The following SMPD3 variants were observed in gnomAD, a reference collection of about 807,000 sequenced individuals.
SMPD3 encodes nSMase-2.
A neutral mutation model predicts 55.7 loss-of-function variants in SMPD3; 21 were observed. That is an observed-to-expected ratio of 0.38 (90% CI 0.27 to 0.54). SMPD3 has a LOEUF of 0.54. SMPD3 is among the 20% of genes least tolerant of loss of function. SMPD3 has a pLI of 0.80. For synonymous variants in SMPD3, 457 were observed against 404.3 expected (o/e 1.13, Z -1.56); for missense variants, 842 against 899.6 (o/e 0.94, Z 0.82).
intron 2 of SMPD3, among the ~76,000 whole-genome samples, chr16:68,380,210 C>T (rs1250198944): frequency 2.0e-5 from 3 of 152,278 alleles, no homozygotes; most frequent in African/African-American, 4.8e-5. Context: ...GTGTTCTGCT[C>T]ACAAACCAGC....
intron 1 of SMPD3, among the ~76,000 whole-genome samples, chr16:68,396,403 C>T (rs181745297): frequency 1.1e-3 from 170 of 152,284 alleles, no homozygotes; most frequent in East Asian, 8.3e-3. Flanking sequence ...GTGATGGCCC[C>T]GACCTCTAGC....
intron 1 of SMPD3, among the ~76,000 whole-genome samples, chr16:68,418,178 A>G (rs1021504008): frequency 9.2e-5 from 14 of 152,134 alleles, no homozygotes; most frequent in African/African-American, 3.4e-4. Context: ...TTCTCATGGG[A>G]GAAAGATGCC....
intron 1 of SMPD3, among the ~76,000 whole-genome samples, chr16:68,421,413 G>A (rs1273404482): frequency 6.6e-6 from 1 of 152,224 alleles, no homozygotes; most frequent in African/African-American, 2.4e-5. Flanking sequence ...GTGGTTATAT[G>A]TGTGCTTTGG....
chr16:68,386,763 A>T (rs910663243), intron 1 of SMPD3, 104 bp from the exon 2 acceptor site: 1 of 152,334 alleles, frequency 6.6e-6, no homozygotes. Context: ...ACAAAGACCA[A>T]GGGGCCTCAC....
At chr16:68,384,393 A>C (rs888552096) in intron 2 of SMPD3, among the ~76,000 whole-genome samples, 1 of 152,198 alleles carries the variant, frequency 6.6e-6, no homozygotes, top group Non-Finnish European at 1.5e-5. Flanking sequence ...TTCTCTCTTG[A>C]TAGCTGAGTG....
At chr16:68,430,669 A>G (rs1031915159) in intron 1 of SMPD3, among the ~76,000 whole-genome samples, 4 of 152,230 alleles carry the variant, frequency 2.6e-5, no homozygotes, top group African/African-American at 9.6e-5. Flanking sequence ...TCATTATAAA[A>G]GCCAAAAAAC....
chr16:68,398,652 T>C (rs1434234196), intron 1 of SMPD3, among the ~76,000 whole-genome samples: 1 of 152,262 alleles, frequency 6.6e-6, no homozygotes, highest in Non-Finnish European at 1.5e-5. Context: ...TGCTTTTGTT[T>C]CCTTTCCTCA....
At chr16:68,413,620 T>G (rs939144303) in intron 1 of SMPD3, among the ~76,000 whole-genome samples, 3 of 152,266 alleles carry the variant, frequency 2.0e-5, no homozygotes, top group Admixed American at 2.0e-4. Context: ...GACTCAGAAC[T>G]CCAGGCTAGT....
intron 1 of SMPD3, among the ~76,000 whole-genome samples, chr16:68,420,840 C>G (rs987059412): frequency 6.6e-6 from 1 of 152,180 alleles, no homozygotes; most frequent in African/African-American, 2.4e-5. Context: ...GATGGTGACT[C>G]AGGTAGGTGG....
chr16:68,379,207 T>C (rs1303488587), intron 2 of SMPD3, among the ~76,000 whole-genome samples: 2 of 152,248 alleles, frequency 1.3e-5, no homozygotes, highest in African/African-American at 4.8e-5. Flanking sequence ...CTGCAGAACC[T>C]GGTGCCTCTG....
intron 1 of SMPD3, among the ~76,000 whole-genome samples, chr16:68,409,160 C>T (rs1340251338): frequency 6.6e-6 from 1 of 152,252 alleles, no homozygotes; most frequent in African/African-American, 2.4e-5. Context: ...AGCTTTTGTA[C>T]TCAGTTACTC....
intron 1 of SMPD3, among the ~76,000 whole-genome samples, chr16:68,444,541 A>G (rs1390032822): frequency 6.6e-6 from 1 of 152,156 alleles, no homozygotes; most frequent in Non-Finnish European, 1.5e-5. Flanking sequence ...TTGAGCCCAA[A>G]AAGAACAGAA....
chr16:68,388,000 C>T (rs921581733), intron 1 of SMPD3, among the ~76,000 whole-genome samples: 3 of 152,176 alleles, frequency 2.0e-5, no homozygotes, highest in South Asian at 2.1e-4. Context: ...TCTAGGCCAT[C>T]GGTCTTGGGC....
Position 68,370,872 on chromosome 16 carries a change from G to A in SMPD3, c.1310C>T (p.Ala437Val). 6.2e-7 allele frequency: 1 copy of A among 1,613,636 alleles called. No individual in the cohort carries two copies. Among genetic ancestry groups the A allele is most frequent in the African/African-American group, 1.3e-5 (1 of 75,020 alleles). Residue 437 changes from alanine to valine, a missense_variant, in exon 3 of 9, where the codon GCT (alanine) becomes GTT (valine). Ala to Val is a moderately conservative substitution (Grantham distance 64). Coordinates refer to ENST00000219334, the MANE Select transcript of SMPD3 (RefSeq NM_018667.4). ...CNDDALASKGALFLKVQVGST... is the reference protein window; with the variant it reads ...CNDDALASKGVLFLKVQVGST... ...GAGGTCTCCTACCTTGAGAAACAGAGCTCCCTTAGAGGCCAGGGCATCGTC... is the reference window on the plus strand; with the variant it reads ...GAGGTCTCCTACCTTGAGAAACAGAACTCCCTTAGAGGCCAGGGCATCGTC...
intron 1 of SMPD3, among the ~76,000 whole-genome samples, chr16:68,402,972 G>A (rs2090224318): frequency 6.6e-6 from 1 of 152,226 alleles, no homozygotes; most frequent in African/African-American, 2.4e-5. Context: ...TAATGATGAT[G>A]AGCTAGTCTT....
At chr16:68,441,189 C>T (rs1283423300) in intron 1 of SMPD3, among the ~76,000 whole-genome samples, 2 of 152,168 alleles carry the variant, frequency 1.3e-5, no homozygotes, top group East Asian at 3.8e-4. Flanking sequence ...AGTCACTGTT[C>T]TAAGTGATTT....
At chr16:68,364,583 G>A (rs1186638487) in intron 5 of SMPD3, 168 bp downstream of exon 5, 2 of 772,688 alleles carry the variant, frequency 2.6e-6, no homozygotes, top group Non-Finnish European at 4.0e-6. Flanking sequence ...GGCTCTTCCT[G>A]TTCTAGGATT....
In SMPD3 at chr16:68,447,962, C is replaced by T. The variant is rs1353600093; in HGVS notation, c.-269+391G>A. Among the ~76,000 whole-genome samples the T allele has an allele frequency of 1.3e-5, 2 of 151,216 alleles. No homozygotes were observed. The highest frequency in any genetic ancestry group is 1.3e-4 in the Admixed American group (2 of 15,228). On this transcript the variant is annotated intron_variant, in intron 1 of 8. Transcript: ENST00000219334. This position sits in a 1 kb window ranked among gnomAD's most constrained non-coding sequence, Gnocchi z 5.1. Reference sequence around the variant, plus strand: ...AGACTCCTTTGTAACCTCGAGCAGCCGAAGTGTTGCGGGGAGGGGTCCCCC... The same window carrying T: ...AGACTCCTTTGTAACCTCGAGCAGCTGAAGTGTTGCGGGGAGGGGTCCCCC...
intron 5 of SMPD3, chr16:68,364,434 C>A: frequency 3.3e-6 from 1 of 306,842 alleles, no homozygotes; most frequent in South Asian, 6.7e-5. Flanking sequence ...TGGCAGCTGG[C>A]TCGAAGCAAG....
Sources: gnomAD v4.1 joint callset for allele counts (sites outside exome capture counted in the v4.1 genomes callset) on GRCh38, gnomAD v4.1.1 for gene constraint, Gnocchi (gnomAD v3.1) non-coding constraint, MANE v1.5 for transcripts, NCBI Gene and HGNC (gene_info 2026-07-23, HGNC 2026-07-21) for gene names.